The following LRRTM4 variants were observed in gnomAD, a reference collection of about 807,000 sequenced individuals.
The protein encoded by LRRTM4 is leucine-rich repeat transmembrane neuronal protein 4.
In LRRTM4, 25 loss-of-function variants were observed where a neutral mutation model predicts 47.6. The ratio of observed to expected loss-of-function variants is 0.53; its 90% CI spans 0.38 to 0.73. The LOEUF (loss-of-function observed/expected upper bound fraction) is 0.73, where lower values mean the gene tolerates loss of function less well. Ranked by LOEUF, LRRTM4 falls within the 30% of genes least tolerant of loss-of-function variation. The pLI is 0.00. For synonymous variants in LRRTM4, 311 were observed against 269.5 expected (o/e 1.15, Z -1.51); for missense variants, 638 against 713.4 (o/e 0.89, Z 1.20).
intron 3 of LRRTM4, among the ~76,000 whole-genome samples, chr2:76,847,095 T>G (rs905394518): frequency 7.2e-5 from 11 of 152,186 alleles, no homozygotes; most frequent in African/African-American, 2.7e-4. Context: ...TAGAGCAGTC[T>G]GCTTTTAAGT....
chr2:77,480,107 CAGAG>C (rs1395815060), intron 3 of LRRTM4, among the ~76,000 whole-genome samples: 1 of 151,996 alleles, frequency 6.6e-6, no homozygotes, highest in Non-Finnish European at 1.5e-5. Context: ...AATTTGATGT[CAGAG>C]AGAGATGGGG....
intron 3 of LRRTM4, among the ~76,000 whole-genome samples, chr2:77,290,704 A>C (rs72809143): frequency 6.6e-6 from 1 of 152,160 alleles, no homozygotes; most frequent in Non-Finnish European, 1.5e-5. Flanking sequence ...TGAAAATTTT[A>C]AAAAATTAAG....
intron 3 of LRRTM4, among the ~76,000 whole-genome samples, chr2:77,101,695 A>G (rs1243304295): frequency 6.6e-6 from 1 of 152,186 alleles, no homozygotes; most frequent in East Asian, 1.9e-4. Context: ...ATTTCCACAT[A>G]TGGATTCAGA....
chr2:76,834,207 ATTT>A (rs11355686), intron 3 of LRRTM4, among the ~76,000 whole-genome samples: 1 of 141,130 alleles, frequency 7.1e-6, no homozygotes. Flanking sequence ...TGCCAAGCTA[ATTT>A]TTTTTTTTTT....
At chr2:77,300,094 C>G (rs1675347316) in intron 3 of LRRTM4, among the ~76,000 whole-genome samples, 1 of 152,100 alleles carries the variant, frequency 6.6e-6, no homozygotes, top group South Asian at 2.1e-4. Flanking sequence ...TCGTGATGTA[C>G]CTGCCTCGGC....
intron 3 of LRRTM4, among the ~76,000 whole-genome samples, chr2:76,875,706 A>G (rs1186310293): frequency 1.3e-5 from 2 of 152,302 alleles, no homozygotes; most frequent in Non-Finnish European, 2.9e-5. Context: ...ACCCACTGCC[A>G]TTGAGGAGTC....
At chr2:76,922,171 T>G (rs2103810661) in intron 3 of LRRTM4, among the ~76,000 whole-genome samples, 1 of 152,242 alleles carries the variant, frequency 6.6e-6, no homozygotes, top group South Asian at 2.1e-4. Context: ...ATGATCTCAC[T>G]TATACATGTA....
intron 3 of LRRTM4, among the ~76,000 whole-genome samples, chr2:77,004,820 A>G (rs994411871): frequency 4.6e-5 from 7 of 152,156 alleles, no homozygotes; most frequent in African/African-American, 1.7e-4. Flanking sequence ...GAAAATCCAC[A>G]TCTTGCATCA....
intron 3 of LRRTM4, among the ~76,000 whole-genome samples, chr2:76,896,508 G>T (rs1459241600): frequency 6.6e-6 from 1 of 151,860 alleles, no homozygotes; most frequent in Admixed American, 6.6e-5. Context: ...TATGTCAGAA[G>T]CAACTTTTCA....
At chr2:76,936,130 C>T (rs1156955831) in intron 3 of LRRTM4, among the ~76,000 whole-genome samples, 1 of 152,172 alleles carries the variant, frequency 6.6e-6, no homozygotes, top group Non-Finnish European at 1.5e-5. Flanking sequence ...TATAAGGAAA[C>T]ATGCTCACGT....
intron 3 of LRRTM4, among the ~76,000 whole-genome samples, chr2:77,177,096 C>A (rs1394849011): frequency 6.6e-6 from 1 of 152,138 alleles, no homozygotes; most frequent in Non-Finnish European, 1.5e-5. Context: ...CAAGAAATAA[C>A]CACAAAAATA....
intron 3 of LRRTM4, among the ~76,000 whole-genome samples, chr2:76,843,600 C>T (rs570583046): frequency 1.4e-4 from 21 of 152,230 alleles, no homozygotes; most frequent in East Asian, 5.8e-4. Flanking sequence ...AATAGTGTGA[C>T]TATGTTAATA....
rs189063153 is a variant in LRRTM4 at position 77,083,051 on chromosome 2, A to C, written c.1552-334135T>G. On this transcript the variant is annotated intron_variant, in intron 3 of 3. Coordinates refer to ENST00000409884, the MANE Select transcript of LRRTM4 (RefSeq NM_001134745.3). Reference sequence around the variant, plus strand: ...TTAAATATATCAGTATACACTTCTGATCTATATTAAAAACTGTATTCTTAT... The same window carrying C: ...TTAAATATATCAGTATACACTTCTGCTCTATATTAAAAACTGTATTCTTAT... Among the ~76,000 whole-genome samples, 168 of 152,228 alleles carry C rather than the reference A, an allele frequency of 1.1e-3. 1 individual carries two copies. The highest frequency in any genetic ancestry group is 4.8e-3 in the Admixed American group (73 of 15,292).
chr2:76,834,875 T>C (rs1158637876), intron 3 of LRRTM4, among the ~76,000 whole-genome samples: 2 of 152,254 alleles, frequency 1.3e-5, no homozygotes, highest in South Asian at 2.1e-4. Context: ...TTGTAGACCA[T>C]GACCAAGAAG....
Position 77,344,180 on chromosome 2 carries a change from A to C in LRRTM4, c.1551+174138T>G, listed in dbSNP as rs533748197. ...TATTAACATATTCAAGAAACAAGTC[A>C]AAAGAACATGAAAAATAACAATGAA... On this transcript the variant is annotated intron_variant, in intron 3 of 3. Coordinates refer to ENST00000409884, the MANE Select transcript of LRRTM4 (RefSeq NM_001134745.3). 2.8e-4 allele frequency among the ~76,000 whole-genome samples: 42 copies of C among 151,990 alleles called. No individual in the cohort carries two copies. In the South Asian group the frequency reaches 7.1e-3, roughly 26 times the overall value.
chr2:77,088,449 G>A lies in LRRTM4; in HGVS notation c.1552-339533C>T, dbSNP rs13387646. ...TTCCTGGCTCATCCTGGCTCAAAAAGCACCCCGACTGAGCACCTTGCGACC... is the reference window on the plus strand; with the variant it reads ...TTCCTGGCTCATCCTGGCTCAAAAAACACCCCGACTGAGCACCTTGCGACC... On this transcript the variant is annotated intron_variant, in intron 3 of 3. Coordinates refer to ENST00000409884, the MANE Select transcript of LRRTM4 (RefSeq NM_001134745.3). 4.0e-5 allele frequency among the ~76,000 whole-genome samples: 6 copies of A among 151,882 alleles called. No individual in the cohort carries two copies. In the South Asian group the frequency reaches 6.2e-4, roughly 16 times the overall value.
At chr2:77,365,466 T>A (rs144034363) in intron 3 of LRRTM4, among the ~76,000 whole-genome samples, 2 of 152,098 alleles carry the variant, frequency 1.3e-5, no homozygotes, top group South Asian at 2.1e-4. Context: ...TGGCATAGAT[T>A]TTTTTAATAA....
At chr2:76,862,338 C>T (rs1573225524) in intron 3 of LRRTM4, among the ~76,000 whole-genome samples, 1 of 152,134 alleles carries the variant, frequency 6.6e-6, no homozygotes. Context: ...ACAGCATCAT[C>T]AGAAAATGCT....
intron 3 of LRRTM4, among the ~76,000 whole-genome samples, chr2:77,025,308 T>C (rs1411116658): frequency 6.6e-6 from 1 of 152,214 alleles, no homozygotes; most frequent in Non-Finnish European, 1.5e-5. Flanking sequence ...CCTCTTTTGC[T>C]GTTTATCACA....
Sources: gnomAD v4.1 joint callset for allele counts (sites outside exome capture counted in the v4.1 genomes callset) on GRCh38, gnomAD v4.1.1 for gene constraint, MANE v1.5 for transcripts, NCBI Gene and HGNC (gene_info 2026-07-23, HGNC 2026-07-21) for gene names.